ERAP1: variants seen among roughly 807,000 people sequenced by gnomAD.
ERAP1 encodes endoplasmic reticulum aminopeptidase 1, also known as adipocyte-derived leucine aminopeptidase.
ERAP1 carries 86 observed loss-of-function variants against 103.7 expected under a neutral mutation model. That is an observed-to-expected ratio of 0.83 (90% CI 0.70 to 0.99). The LOEUF (loss-of-function observed/expected upper bound fraction) is 0.99. Ranked by LOEUF, ERAP1 falls within the 50% of genes least tolerant of loss-of-function variation. The pLI, the probability that ERAP1 is intolerant of heterozygous loss-of-function variation, is 0.00. For synonymous variants in ERAP1, 398 were observed against 402.4 expected (o/e 0.99, Z 0.13); for missense variants, 1,009 against 1,128.4 (o/e 0.89, Z 1.52).
the ERAP1 span, chr5:96,913,456 A>C: frequency 6.2e-7 from 1 of 1,613,948 alleles, no homozygotes; most frequent in African/African-American, 1.3e-5. Context: ...TCTTCTGAAA[A>C]AGTTGGTATT....
intron 1 of ERAP1, among the ~76,000 whole-genome samples, chr5:96,806,623 C>CTTTTTTTT (rs75649816): frequency 1.6e-5 from 2 of 128,020 alleles, no homozygotes; most frequent in Admixed American, 8.1e-5. Context: ...CAAGATCCCT[C>CTTTTTTTT]TTTTTTTTTT....
At chr5:96,814,772 G>A in the ERAP1 span, among the ~76,000 whole-genome samples, 1 of 152,218 alleles carries the variant, frequency 6.6e-6, no homozygotes, top group Non-Finnish European at 1.5e-5. Context: ...ATGATTAAAG[G>A]TAGAAAGAGC....
the ERAP1 span, among the ~76,000 whole-genome samples, chr5:96,892,066 C>T: frequency 6.6e-6 from 1 of 152,084 alleles, no homozygotes; most frequent in East Asian, 1.9e-4. Flanking sequence ...GGTTAAATGT[C>T]CATATGTTAC....
chr5:96,885,398 A>G, the ERAP1 span, among the ~76,000 whole-genome samples: 2 of 152,220 alleles, frequency 1.3e-5, no homozygotes, highest in African/African-American at 2.4e-5. Context: ...AATTTGCTGG[A>G]TAGAGTTCTT....
chr5:96,871,951 C>G, the ERAP1 span, among the ~76,000 whole-genome samples: 3 of 152,174 alleles, frequency 2.0e-5, no homozygotes, highest in Non-Finnish European at 4.4e-5. Context: ...ATTTCCCCTC[C>G]CTACCCCCAT....
intron 2 of ERAP1, 104 bp downstream of exon 2, chr5:96,803,299 A>G: frequency 7.8e-7 from 1 of 1,279,100 alleles, no homozygotes; most frequent in South Asian, 1.3e-5. Flanking sequence ...AAACTGAAGA[A>G]AAAGTTCAAC....
Position 96,807,864 on chromosome 5 carries a change from G to T in ERAP1, c.-22C>A, listed in dbSNP as rs1012954996. ...CGCGGCTCGAGCGCGCTGTACCTGG[G>T]GTTCTGGGGCCGCCCTCACCCTTGC... On this transcript the variant is annotated 5_prime_UTR_variant, in exon 1 of 19. Transcript: ENST00000443439. 302 of 985,914 alleles carry T rather than the reference G, an allele frequency of 3.1e-4. No homozygotes were observed. The highest frequency in any genetic ancestry group is 3.5e-4 in the Non-Finnish European group (292 of 830,346). The allele number at this position is 985,914 out of a possible 1,614,324, so 61.1% of individuals were successfully genotyped here.
the ERAP1 span, among the ~76,000 whole-genome samples, chr5:96,856,481 A>G: frequency 1.3e-5 from 2 of 150,982 alleles, no homozygotes; most frequent in African/African-American, 4.9e-5. Context: ...TGTTTGAGCT[A>G]TTTGACACCA....
chr5:96,876,866 G>A, the ERAP1 span, among the ~76,000 whole-genome samples: 1 of 152,140 alleles, frequency 6.6e-6, no homozygotes, highest in African/African-American at 2.4e-5. Flanking sequence ...CCAGACCAAA[G>A]GGCAAAGAGC....
At chr5:96,913,387 G>T in the ERAP1 span, 1 of 1,614,082 alleles carries the variant, frequency 6.2e-7, no homozygotes, top group Non-Finnish European at 8.5e-7. Flanking sequence ...TCATGCGATT[G>T]CCAGACGTCC....
chr5:96,899,413 G>A, the ERAP1 span, among the ~76,000 whole-genome samples: 1 of 152,264 alleles, frequency 6.6e-6, no homozygotes, highest in Non-Finnish European at 1.5e-5. Flanking sequence ...GTCACATAAA[G>A]TCAATTCTAA....
intron 3 of ERAP1, among the ~76,000 whole-genome samples, chr5:96,798,222 G>A (rs1310882000): frequency 2.6e-5 from 4 of 151,376 alleles, no homozygotes; most frequent in Non-Finnish European, 5.9e-5. Context: ...CTACTCGGGA[G>A]GCTGAGGCAG....
intron 15 of ERAP1, among the ~76,000 whole-genome samples, chr5:96,782,745 C>A (rs1449425973): frequency 6.6e-6 from 1 of 152,178 alleles, no homozygotes; most frequent in African/African-American, 2.4e-5. Context: ...AAATACAATG[C>A]ATGTGTTTCT....
chr5:96,813,650 C>CAAAAAAAAAAAAAAAAAAAA, the ERAP1 span, among the ~76,000 whole-genome samples: 3 of 55,166 alleles, frequency 5.4e-5, 1 homozygote, highest in African/African-American at 7.1e-5. Context: ...AGACTCATCT[C>CAAAAAAAAAAAAAAAAAAAA]AAAAAAAAAA....
chr5:96,797,651 G>T (rs1281018369), intron 3 of ERAP1, among the ~76,000 whole-genome samples: 1 of 152,196 alleles, frequency 6.6e-6, no homozygotes, highest in African/African-American at 2.4e-5. Context: ...GGATGACAGA[G>T]CCAGACCCTG....
upstream of ERAP1, among the ~76,000 whole-genome samples, chr5:96,810,043 G>C (rs1779062183): frequency 6.6e-6 from 1 of 152,336 alleles, no homozygotes; most frequent in East Asian, 1.9e-4. Context: ...AGGAGCTGAA[G>C]TGTAGGCGAG....
At chr5:96,848,610 T>C in the ERAP1 span, 2 of 152,072 alleles carry the variant, frequency 1.3e-5, no homozygotes, top group African/African-American at 4.8e-5. Flanking sequence ...AATAGACCAA[T>C]AGTGAGTTAC....
chr5:96,873,425 C>T, the ERAP1 span: 1 of 454,942 alleles, frequency 2.2e-6, no homozygotes, highest in South Asian at 1.6e-5. Flanking sequence ...AGATGAGTGC[C>T]AGTAGACCTA....
chr5:96,892,612 GTC>G, the ERAP1 span, among the ~76,000 whole-genome samples: 2 of 152,188 alleles, frequency 1.3e-5, no homozygotes, highest in Admixed American at 6.5e-5. Context: ...ACAGTACTCA[GTC>G]TCTGAACTGT....
Sources: gnomAD v4.1 joint callset for allele counts (sites outside exome capture counted in the v4.1 genomes callset) on GRCh38, gnomAD v4.1.1 for gene constraint, MANE v1.5 for transcripts, NCBI Gene and HGNC (gene_info 2026-07-23, HGNC 2026-07-21) for gene names.